The following RABGAP1L variants were observed in gnomAD, a reference collection of about 807,000 sequenced individuals.
The protein encoded by RABGAP1L is rab GTPase-activating protein 1-like.
Under a neutral mutation model 137.7 loss-of-function variants are expected in RABGAP1L, and 63 were observed. The observed-to-expected ratio is 0.46, with a 90% CI of 0.37 to 0.56. The LOEUF is 0.56. Ranked by LOEUF, RABGAP1L falls within the 20% of genes least tolerant of loss-of-function variation. The pLI is 0.00. For missense variants in RABGAP1L, 1,095 were observed against 1,244.0 expected (o/e 0.88, Z 1.80); for synonymous variants, 431 against 433.7 (o/e 0.99, Z 0.08).
intron 1 of RABGAP1L, among the ~76,000 whole-genome samples, chr1:174,168,070 G>T (rs1665050892): frequency 6.6e-6 from 1 of 151,992 alleles, no homozygotes; most frequent in Non-Finnish European, 1.5e-5. Context: ...TTTGAGCCTA[G>T]CCTGGCCAAG....
intron 13 of RABGAP1L, among the ~76,000 whole-genome samples, chr1:174,501,169 G>T (rs1661233943): frequency 6.6e-6 from 1 of 151,442 alleles, no homozygotes; most frequent in African/African-American, 2.4e-5. Context: ...TGCCCTCTGA[G>T]ACCCTACATT....
chr1:174,955,956 A>G (rs932040067), intron 19 of RABGAP1L, among the ~76,000 whole-genome samples: 4 of 152,196 alleles, frequency 2.6e-5, no homozygotes, highest in African/African-American at 9.7e-5. Context: ...AGGGAATTCT[A>G]TAACTTTGAT....
chr1:174,850,161 G>T, intron 19 of RABGAP1L: 1 of 444,490 alleles, frequency 2.2e-6, no homozygotes, highest in Non-Finnish European at 4.4e-6. Flanking sequence ...AGTCACTGCA[G>T]CCCCCATCTC....
chr1:174,770,230 G>T (rs1379095922), intron 18 of RABGAP1L, among the ~76,000 whole-genome samples: 2 of 152,018 alleles, frequency 1.3e-5, no homozygotes, highest in Non-Finnish European at 2.9e-5. Flanking sequence ...TTTCTCTAGT[G>T]CATCTTCAGT....
intron 17 of RABGAP1L, among the ~76,000 whole-genome samples, chr1:174,710,999 C>G (rs1680449274): frequency 6.6e-6 from 1 of 152,138 alleles, no homozygotes; most frequent in African/African-American, 2.4e-5. Context: ...GCTGCAGGTC[C>G]CAAGCCCTGC....
At chr1:174,220,363 A>G (rs1056729449) in intron 2 of RABGAP1L, among the ~76,000 whole-genome samples, 1 of 152,122 alleles carries the variant, frequency 6.6e-6, no homozygotes, top group African/African-American at 2.4e-5. Context: ...GTGTGTTCCT[A>G]AAAAAGAAAA....
chr1:174,467,650 A>G (rs1207703472), intron 13 of RABGAP1L, among the ~76,000 whole-genome samples: 3 of 152,160 alleles, frequency 2.0e-5, no homozygotes, highest in Non-Finnish European at 2.9e-5. Context: ...TCCTTTTAGC[A>G]ACTCCTTTTC....
At chr1:174,456,615 AC>A (rs1656066650) in intron 13 of RABGAP1L, among the ~76,000 whole-genome samples, 1 of 152,074 alleles carries the variant, frequency 6.6e-6, no homozygotes, top group African/African-American at 2.4e-5. Flanking sequence ...GATAAATAAA[AC>A]CTTTTAAATA....
At position 174,275,142 on chromosome 1, in the gene RABGAP1L, C is replaced by T. The variant is rs559141024; in HGVS notation, c.1054-691C>T. On this transcript the variant is annotated intron_variant, in intron 8 of 25. Coordinates refer to ENST00000681986, the MANE Select transcript of RABGAP1L (RefSeq NM_001366446.1). ...GAGTCAAGAGCTGGCTTGGTAAAGTCTTAAAGAATGGAGAAGAGGAGGAAG... is the reference window on the plus strand; with the variant it reads ...GAGTCAAGAGCTGGCTTGGTAAAGTTTTAAAGAATGGAGAAGAGGAGGAAG... 3 of 152,026 alleles carry T rather than the reference C, an allele frequency of 2.0e-5. No homozygotes were observed. In the South Asian group the frequency reaches 6.2e-4, roughly 32 times the overall value. The allele number at this position is 152,026 out of a possible 1,614,324, so 9.4% of individuals were successfully genotyped here.
chr1:174,258,059 T>G (rs1311386573), intron 7 of RABGAP1L, among the ~76,000 whole-genome samples: 1 of 152,240 alleles, frequency 6.6e-6, no homozygotes, highest in Non-Finnish European at 1.5e-5. Context: ...CTAAGATTTC[T>G]TCAGGTGAAT....
intron 13 of RABGAP1L, among the ~76,000 whole-genome samples, chr1:174,579,997 G>A (rs1400211945): frequency 2.0e-5 from 3 of 152,174 alleles, no homozygotes; most frequent in African/African-American, 7.2e-5. Flanking sequence ...CTGACCTCAG[G>A]TGATCTGCCT....
intron 18 of RABGAP1L, among the ~76,000 whole-genome samples, chr1:174,774,711 C>G (rs985891093): frequency 6.6e-6 from 1 of 152,054 alleles, no homozygotes; most frequent in Non-Finnish European, 1.5e-5. Context: ...GAGACCTCAT[C>G]TCTCCAAAAA....
chr1:174,615,628 A>G (rs913835940), intron 13 of RABGAP1L, among the ~76,000 whole-genome samples: 3 of 152,178 alleles, frequency 2.0e-5, no homozygotes, highest in Admixed American at 1.3e-4. Flanking sequence ...GGGACATTTA[A>G]GTCTGTGGAG....
At chr1:174,927,357 A>G (rs994433492) in intron 19 of RABGAP1L, among the ~76,000 whole-genome samples, 3 of 151,998 alleles carry the variant, frequency 2.0e-5, no homozygotes, top group Non-Finnish European at 4.4e-5. Flanking sequence ...TGAATTTGTG[A>G]TTTTTATCCT....
At chr1:174,335,488 G>T (rs1044518496) in intron 11 of RABGAP1L, among the ~76,000 whole-genome samples, 2 of 152,146 alleles carry the variant, frequency 1.3e-5, no homozygotes, top group Non-Finnish European at 2.9e-5. Flanking sequence ...GTGTTAAAGG[G>T]CATTAATTTG....
At chr1:174,689,619 A>G (rs2148494454) in intron 15 of RABGAP1L, among the ~76,000 whole-genome samples, 1 of 152,168 alleles carries the variant, frequency 6.6e-6, no homozygotes, top group South Asian at 2.1e-4. Flanking sequence ...TTTAAAAGGG[A>G]CTATTTTTTG....
intron 13 of RABGAP1L, among the ~76,000 whole-genome samples, chr1:174,550,357 G>A (rs1666331671): frequency 6.6e-6 from 1 of 152,274 alleles, no homozygotes; most frequent in South Asian, 2.1e-4. Flanking sequence ...CAGTACACAT[G>A]ATGTGAAAAT....
At chr1:174,589,198 T>G (rs1185515937) in intron 13 of RABGAP1L, among the ~76,000 whole-genome samples, 1 of 152,216 alleles carries the variant, frequency 6.6e-6, no homozygotes, top group Non-Finnish European at 1.5e-5. Context: ...TCTCCAGTGA[T>G]TGATGATGTT....
intron 13 of RABGAP1L, among the ~76,000 whole-genome samples, chr1:174,521,169 T>G (rs1298635083): frequency 6.6e-6 from 1 of 152,214 alleles, no homozygotes; most frequent in Non-Finnish European, 1.5e-5. Context: ...CTAAAGAAAT[T>G]AATTTGATTC....
Sources: allele counts gnomAD v4.1 joint callset (sites outside exome capture counted in the v4.1 genomes callset), GRCh38; gene constraint gnomAD v4.1.1; transcripts MANE v1.5; gene names NCBI Gene and HGNC (gene_info 2026-07-23, HGNC 2026-07-21).